Variants in ZNF789 observed in about 807,000 individuals in gnomAD.
ZNF789 encodes the protein zinc finger protein 789.
ZNF789 carries 11 observed loss-of-function variants against 15.6 expected under a neutral mutation model. The observed-to-expected ratio is 0.70, with a 90% CI of 0.44 to 1.16. The LOEUF is 1.16. Among genes scored for constraint, ZNF789 ranks in the 50% most tolerant of loss-of-function variants. ZNF789 has a pLI of 0.00. For missense variants in ZNF789, 461 were observed against 512.6 expected (o/e 0.90, Z 0.97); for synonymous variants, 159 against 176.0 (o/e 0.90, Z 0.76).
At chr7:99,482,211 C>G (rs750795659) in intron 3 of ZNF789, 1 of 779,138 alleles carries the variant, frequency 1.3e-6, no homozygotes, top group Non-Finnish European at 2.4e-6. Context: ...ACGTCTCTGG[C>G]ACATTCATCT....
chr7:99,484,165 G>A, intron 4 of ZNF789, 22 bp downstream of exon 4: 1 of 1,589,452 alleles, frequency 6.3e-7, no homozygotes, highest in Non-Finnish European at 8.6e-7. Context: ...AGAGACCCAG[G>A]CGAGTGGAAT....
chr7:99,473,376 A>G (rs1340338992), intron 1 of ZNF789, among the ~76,000 whole-genome samples: 1 of 152,290 alleles, frequency 6.6e-6, no homozygotes, highest in South Asian at 2.1e-4. Context: ...CTCCAGTTAA[A>G]GTTTTAAGAG....
At position 99,484,102 on chromosome 7, in the gene ZNF789, C is replaced by T. The variant is rs1432575127; in HGVS notation, c.224C>T (p.Pro75Leu). The T allele has an allele frequency of 6.2e-6, 10 of 1,613,842 alleles. No individual in the cohort carries two copies. Among genetic ancestry groups the T allele is most frequent in the East Asian group, 2.2e-5 (1 of 44,886 alleles). ...GACGAGCAGTGGATCCTGGATCTAC[C>T]GAGAACTGGGAATAGGAAGGCTTCC... Reference protein sequence around the residue: ...NWDEQWILDLPRTGNRKASGS... With the variant: ...NWDEQWILDLLRTGNRKASGS... The change falls in exon 4 of 5, where the codon CCG becomes CTG. Residue 75 changes from proline (P) to leucine (L), a missense_variant. Pro to Leu is a moderately conservative substitution (Grantham distance 98). Coordinates refer to ENST00000331410, the MANE Select transcript of ZNF789 (RefSeq NM_213603.3).
intron 2 of ZNF789, among the ~76,000 whole-genome samples, chr7:99,477,583 C>G (rs1799402557): frequency 6.6e-6 from 1 of 152,278 alleles, no homozygotes; most frequent in Middle Eastern, 3.4e-3. Context: ...GAGCCATCCA[C>G]CAGCCTCAGC....
At position 99,476,387 on chromosome 7, in the gene ZNF789, T is replaced by A. The variant is rs1396160178; in HGVS notation, c.-54-16T>A. The A allele has an allele frequency of 6.3e-7, 1 of 1,578,600 alleles. No individual in the cohort carries two copies. ...TCAAATTAGGGCTGGCCTTACTGAC[T>A]TTTTTTCTTCTCCAGCTCAGCCAGA... On this transcript the variant is annotated splice_polypyrimidine_tract_variant and intron_variant, in intron 1 of 4. Coordinates refer to ENST00000331410, the MANE Select transcript of ZNF789 (RefSeq NM_213603.3).
intron 3 of ZNF789, among the ~76,000 whole-genome samples, chr7:99,483,036 G>GC (rs1214468983): frequency 1.2e-4 from 18 of 149,742 alleles, no homozygotes; most frequent in East Asian, 8.2e-4. Flanking sequence ...TTCGAGACCA[G>GC]TTGGCCAACA....
chr7:99,478,820 CT>C (rs1562882545), intron 2 of ZNF789: 4 of 158,634 alleles, frequency 2.5e-5, no homozygotes, highest in African/African-American at 7.2e-5. Context: ...ACGGGCTCCC[CT>C]GGTCTCTGGC....
At chr7:99,474,030 G>A (rs1488656163) in intron 1 of ZNF789, among the ~76,000 whole-genome samples, 1 of 152,192 alleles carries the variant, frequency 6.6e-6, no homozygotes, top group Non-Finnish European at 1.5e-5. Context: ...AGAAATCAAT[G>A]TATTTTAAAT....
chr7:99,476,792 T>A (rs896487757), intron 2 of ZNF789, among the ~76,000 whole-genome samples: 4 of 152,236 alleles, frequency 2.6e-5, no homozygotes, highest in African/African-American at 9.6e-5. Flanking sequence ...GTTGTTGCTC[T>A]TATTACCGTA....
Position 99,482,158 on chromosome 7 carries a change from T to C in ZNF789, c.152-1872T>C, listed in dbSNP as rs769744819. On this transcript the variant is annotated intron_variant, in intron 3 of 4. Transcript: ENST00000331410. ...TTGATTTAATTGTTCCCTTTTGATATTCAGTTTATTTCCAGTTTGATGCTG... is the reference window on the plus strand; with the variant it reads ...TTGATTTAATTGTTCCCTTTTGATACTCAGTTTATTTCCAGTTTGATGCTG... 1.5e-5 allele frequency: 12 copies of C among 779,256 alleles called. No individual in the cohort carries two copies. The South Asian group carries it at 1.6e-4, about 10-fold the overall frequency. 48.3% of individuals were successfully genotyped at this position (779,256 alleles called of 1,614,324 possible). A position where few individuals can be genotyped will look rare whatever the true frequency, so the allele number is the denominator to read the frequency against.
At chr7:99,483,672 C>T (rs1799761962) in intron 3 of ZNF789, 1 of 780,166 alleles carries the variant, frequency 1.3e-6, no homozygotes. Flanking sequence ...TAATATCTGC[C>T]TAATACTTAT....
chr7:99,483,163 G>A (rs1022740990), intron 3 of ZNF789, among the ~76,000 whole-genome samples: 3 of 152,020 alleles, frequency 2.0e-5, no homozygotes, highest in East Asian at 1.9e-4. Context: ...CCCGGGAGGC[G>A]GAGGTTGCAG....
rs1054948 is a variant in ZNF789 at position 99,486,836 on chromosome 7, T to A, written c.626T>A (p.Val209Asp). The A allele has an allele frequency of 1.9e-6, 3 of 1,614,018 alleles. No homozygotes were observed. Among genetic ancestry groups the A allele is most frequent in the African/African-American group, 2.7e-5 (2 of 74,902 alleles). Residue 209 changes from valine to aspartate, a missense_variant, in exon 5 of 5, where the codon GTC (valine) becomes GAC (aspartate). Coordinates refer to ENST00000331410, the MANE Select transcript of ZNF789 (RefSeq NM_213603.3). ...TATGAATGCAGTGAATGTGGAAAAGTCATTAGGCGTAAGGCATGGTTTGAT... is the reference window on the plus strand; with the variant it reads ...TATGAATGCAGTGAATGTGGAAAAGACATTAGGCGTAAGGCATGGTTTGAT... ...KSYECSECGK[V>D]IRRKAWFDQH... is the part of the protein sequence containing the mutation.
chr7:99,486,348 C>G (rs953868092), intron 4 of ZNF789, 128 bp from the exon 5 acceptor site: 2 of 965,018 alleles, frequency 2.1e-6, no homozygotes, highest in African/African-American at 3.3e-5. Context: ...CCTCTTGAGT[C>G]TGATGATGTA....
intron 4 of ZNF789, 118 bp from the exon 5 acceptor site, chr7:99,486,358 A>C (rs574974207): frequency 9.5e-7 from 1 of 1,053,890 alleles, no homozygotes; most frequent in East Asian, 2.6e-5. Context: ...CTGATGATGT[A>C]AACGAGATCA....
intron 3 of ZNF789, chr7:99,481,091 C>T (rs1799600499): frequency 6.6e-6 from 1 of 152,210 alleles, no homozygotes; most frequent in African/African-American, 2.4e-5. Flanking sequence ...AGTAGCTGAG[C>T]ATATTCTATG....
At chr7:99,482,797 G>A (rs1035165694) in intron 3 of ZNF789, among the ~76,000 whole-genome samples, 24 of 152,120 alleles carry the variant, frequency 1.6e-4, no homozygotes, top group African/African-American at 5.3e-4. Flanking sequence ...GGAGGTTGTG[G>A]TGAGCCAAGA....
At chr7:99,473,865 C>G (rs540748303) in intron 1 of ZNF789, among the ~76,000 whole-genome samples, 1 of 152,218 alleles carries the variant, frequency 6.6e-6, no homozygotes, top group South Asian at 2.1e-4. Flanking sequence ...ATGATCCGCC[C>G]GCCTCGGCCT....
intron 1 of ZNF789, among the ~76,000 whole-genome samples, chr7:99,475,092 G>A (rs1278657378): frequency 2.0e-5 from 3 of 152,144 alleles, no homozygotes; most frequent in African/African-American, 4.8e-5. Flanking sequence ...TTCATCCTGA[G>A]TTAGAAAGCA....
Sources: allele counts gnomAD v4.1 joint callset (sites outside exome capture counted in the v4.1 genomes callset), GRCh38; gene constraint gnomAD v4.1.1; transcripts MANE v1.5; gene names NCBI Gene and HGNC (gene_info 2026-07-23, HGNC 2026-07-21).